ITSN1: variants seen among roughly 807,000 people sequenced by gnomAD.
The protein encoded by ITSN1 is intersectin 1.
In ITSN1, 58 loss-of-function variants were observed where a neutral mutation model predicts 239.8. The observed-to-expected ratio is 0.24, with a 90% CI of 0.20 to 0.30. The LOEUF (loss-of-function observed/expected upper bound fraction) is 0.30. Among genes scored for constraint, ITSN1 ranks in the 10% least tolerant of loss-of-function variants. The pLI, the probability that ITSN1 is intolerant of heterozygous loss-of-function variation, is 1.00. For synonymous variants in ITSN1, 780 were observed against 770.8 expected (o/e 1.01, Z -0.20); for missense variants, 1,558 against 2,103.3 (o/e 0.74, Z 5.07).
intron 1 of ITSN1, among the ~76,000 whole-genome samples, chr21:33,645,791 G>T (rs1418188706): frequency 1.3e-5 from 2 of 152,254 alleles, no homozygotes; most frequent in Non-Finnish European, 2.9e-5. Context: ...GCATAGGGAA[G>T]TTGGAAACCA....
chr21:33,711,633 C>T, intron 1 of ITSN1, among the ~76,000 whole-genome samples: 1 of 138,050 alleles, frequency 7.2e-6, no homozygotes, highest in African/African-American at 2.7e-5. Context: ...GACTTTTTGG[C>T]TATGTCTTTT....
intron 1 of ITSN1, among the ~76,000 whole-genome samples, chr21:33,712,068 C>T (rs996920727): frequency 1.3e-5 from 2 of 152,126 alleles, no homozygotes; most frequent in Non-Finnish European, 2.9e-5. Context: ...TAACTTGTAT[C>T]TTTCCATGCA....
chr21:33,835,886 G>A (rs1477750823), intron 28 of ITSN1, among the ~76,000 whole-genome samples: 4 of 152,202 alleles, frequency 2.6e-5, no homozygotes, highest in East Asian at 1.9e-4. Context: ...AGCTGAGATC[G>A]TGCCACTGCA....
chr21:33,787,262 T>C (rs190152425), intron 16 of ITSN1, among the ~76,000 whole-genome samples: 1 of 152,330 alleles, frequency 6.6e-6, no homozygotes, highest in East Asian at 1.9e-4. Context: ...GTTATTTGGG[T>C]CATGTGCATG....
At chr21:33,662,397 GACTTAA>G (rs1418808600) in intron 1 of ITSN1, among the ~76,000 whole-genome samples, 8 of 152,090 alleles carry the variant, frequency 5.3e-5, no homozygotes, top group Admixed American at 6.6e-5. Flanking sequence ...TCCCTCTTGT[GACTTAA>G]ACTTAATTTA....
chr21:33,787,133 G>T (rs767138756), intron 16 of ITSN1, among the ~76,000 whole-genome samples: 9 of 152,172 alleles, frequency 5.9e-5, no homozygotes, highest in Non-Finnish European at 1.2e-4. Flanking sequence ...TGTGTGTATG[G>T]TGGTGTAAAC....
At chr21:33,732,175 C>A (rs1005658291) in intron 4 of ITSN1, among the ~76,000 whole-genome samples, 1 of 152,078 alleles carries the variant, frequency 6.6e-6, no homozygotes, top group South Asian at 2.1e-4. Context: ...TTTTGTCATG[C>A]GGGTGAAGCC....
intron 26 of ITSN1, chr21:33,828,856 C>T (rs2074123295): frequency 2.3e-6 from 1 of 441,374 alleles, no homozygotes; most frequent in Non-Finnish European, 4.7e-6. Context: ...GTCTGTGGTA[C>T]CGCTGGAGTT....
chr21:33,738,448 C>T (rs2066634279), intron 5 of ITSN1, among the ~76,000 whole-genome samples: 1 of 151,978 alleles, frequency 6.6e-6, no homozygotes, highest in African/African-American at 2.4e-5. Context: ...GTCGCCCAGG[C>T]TGGAGTGCAG....
At chr21:33,712,402 CAG>C (rs1443551540) in intron 1 of ITSN1, among the ~76,000 whole-genome samples, 1 of 152,164 alleles carries the variant, frequency 6.6e-6, no homozygotes, top group East Asian at 1.9e-4. Context: ...TGTCTGTGGA[CAG>C]GGGTTCCTTT....
chr21:33,810,751 G>A (rs560866578), intron 20 of ITSN1, among the ~76,000 whole-genome samples: 3 of 152,044 alleles, frequency 2.0e-5, no homozygotes, highest in Non-Finnish European at 4.4e-5. Context: ...ATGGGGTAAG[G>A]CTTTTTTAAA....
At chr21:33,652,463 G>T (rs2088626201) in intron 1 of ITSN1, among the ~76,000 whole-genome samples, 1 of 152,070 alleles carries the variant, frequency 6.6e-6, no homozygotes, top group South Asian at 2.1e-4. Context: ...TGTTGTATTT[G>T]CAGCCTTTTT....
rs202062811 is a variant in ITSN1 at position 33,670,224 on chromosome 21, A to G, written c.-33+27511A>G. On this transcript the variant is annotated intron_variant, in intron 1 of 39. Transcript: ENST00000381318. ...AAAAAAATTAGCCAGGGGTGGTGAC[A>G]TGTGCCTGTGGTTCCAGCTATGTGG... Among the ~76,000 whole-genome samples the G allele has an allele frequency of 2.0e-5, 3 of 152,078 alleles. No individual in the cohort carries two copies. In the East Asian group the frequency reaches 5.8e-4, roughly 29 times the overall value.
chr21:33,855,131 C>T (rs916909549), intron 29 of ITSN1, among the ~76,000 whole-genome samples: 1 of 152,222 alleles, frequency 6.6e-6, no homozygotes, highest in African/African-American at 2.4e-5. Flanking sequence ...CTAGATCAGT[C>T]ATGACCCCAG....
intron 5 of ITSN1, among the ~76,000 whole-genome samples, chr21:33,742,484 CAGG>C (rs1009468598): frequency 1.2e-4 from 18 of 152,296 alleles, no homozygotes; most frequent in Non-Finnish European, 2.4e-4. Context: ...GCACTTGAAA[CAGG>C]AGAACCCCAA....
Position 33,781,453 on chromosome 21 carries a change from C to A in ITSN1, c.1597-8C>A. On this transcript the variant is annotated splice_polypyrimidine_tract_variant and splice_region_variant and intron_variant, in intron 14 of 39. Coordinates refer to ENST00000381318, the MANE Select transcript of ITSN1 (RefSeq NM_003024.3). ...TCATTCATTACTATTTTCCTCCTTC[C>A]TTCCCAGGAATCTCAGCAAATGCTT... The A allele has an allele frequency of 6.5e-7, 1 of 1,530,528 alleles. No individual in the cohort carries two copies. Among genetic ancestry groups the A allele is most frequent in the Non-Finnish European group, 9.0e-7 (1 of 1,109,306 alleles). The allele number at this position is 1,530,528 out of a possible 1,614,324, so 94.8% of individuals were successfully genotyped here. A position where few individuals can be genotyped will look rare whatever the true frequency, so the allele number is the denominator to read the frequency against.
chr21:33,647,637 A>T (rs1445248631), intron 1 of ITSN1, among the ~76,000 whole-genome samples: 6 of 152,104 alleles, frequency 3.9e-5, no homozygotes, highest in African/African-American at 1.4e-4. Flanking sequence ...CTGGGATTAC[A>T]CATGCCTGCC....
rs73203687 is a variant in ITSN1 at position 33,895,249 on chromosome 21, G to A, written c.*6949G>A. The stretch of plus-strand genomic sequence containing the variant: ...TGTCGGCTGGGTGGACTGCAGGGCA[G>A]GTGACCTGGAGGAGGCCCTGCTCCC... On this transcript the variant is annotated 3_prime_UTR_variant, in exon 40 of 40. Transcript: ENST00000381318. 5.3e-3 allele frequency: 807 copies of A among 152,428 alleles called. 4 individuals are homozygous for A. The highest frequency in any genetic ancestry group is 9.3e-3 in the Non-Finnish European group (636 of 68,092). 9.4% of individuals were successfully genotyped at this position (152,428 alleles called of 1,614,324 possible).
chr21:33,821,852 CA>C (rs974479737), intron 24 of ITSN1, among the ~76,000 whole-genome samples: 1 of 151,984 alleles, frequency 6.6e-6, no homozygotes, highest in Admixed American at 6.6e-5. Context: ...CTTAAATGGC[CA>C]AATATGATCT....
Sources: gnomAD v4.1 joint callset for allele counts (sites outside exome capture counted in the v4.1 genomes callset) on GRCh38, gnomAD v4.1.1 for gene constraint, MANE v1.5 for transcripts, NCBI Gene and HGNC (gene_info 2026-07-23, HGNC 2026-07-21) for gene names.